PCDH15: variants seen among roughly 807,000 people sequenced by gnomAD.
PCDH15 encodes protocadherin-15.
Under a neutral mutation model 178.5 loss-of-function variants are expected in PCDH15, and 129 were observed. That is an observed-to-expected ratio of 0.72 (90% CI 0.63 to 0.84). The LOEUF is 0.84. Ranked by LOEUF, PCDH15 falls within the 40% of genes least tolerant of loss-of-function variation. The pLI is 0.00. For synonymous variants in PCDH15, 800 were observed against 732.0 expected (o/e 1.09, Z -1.50); for missense variants, 2,230 against 2,099.9 (o/e 1.06, Z -1.21).
At chr10:55,499,522 C>A (rs1431433402) in intron 2 of PCDH15, among the ~76,000 whole-genome samples, 1 of 150,818 alleles carries the variant, frequency 6.6e-6, no homozygotes, top group African/African-American at 2.4e-5. Context: ...AAAATGAAAT[C>A]TTAATCAGTT....
intron 2 of PCDH15, among the ~76,000 whole-genome samples, chr10:54,648,750 T>G (rs1032709205): frequency 1.8e-4 from 28 of 152,280 alleles, no homozygotes; most frequent in African/African-American, 6.5e-4. Flanking sequence ...CTTGCTATAC[T>G]TGAATGAATG....
intron 21 of PCDH15, among the ~76,000 whole-genome samples, chr10:53,989,665 G>A (rs1372610730): frequency 2.6e-5 from 4 of 152,074 alleles, no homozygotes; most frequent in Admixed American, 2.0e-4. Context: ...CAGCTTTGAT[G>A]TTAAGGGGAA....
intron 17 of PCDH15, among the ~76,000 whole-genome samples, chr10:54,069,451 G>C (rs991289445): frequency 1.1e-4 from 16 of 152,024 alleles, no homozygotes; most frequent in Non-Finnish European, 1.5e-5. Context: ...ATATTTATGG[G>C]ACATGCAGGC....
intron 28 of PCDH15, among the ~76,000 whole-genome samples, chr10:53,848,224 C>G (rs2078108020): frequency 6.7e-6 from 1 of 149,376 alleles, no homozygotes; most frequent in East Asian, 2.0e-4. Context: ...ACAAGCTGTT[C>G]AATTTGACAA....
At chr10:54,941,053 T>G (rs1838050453) in intron 2 of PCDH15, among the ~76,000 whole-genome samples, 1 of 152,120 alleles carries the variant, frequency 6.6e-6, no homozygotes, top group Admixed American at 6.5e-5. Flanking sequence ...TCCATTTTAT[T>G]TTTGTGTTTT....
rs772928407 is a variant in PCDH15 at position 54,022,942 on chromosome 10, C to T, written c.2476G>A (p.Val826Ile). ...GCTGGCAAATTCTCTTCAACAAGGA[C>T]AGTGTATGTTGAATTGGTGAACACA... is the stretch of plus-strand genomic sequence containing the variant. ...SPVFTNSTYT[V>I]LVEENLPAGT... Residue 826 changes from valine (V) to isoleucine (I), a missense_variant, in exon 19 of 38, where the codon GTC (valine) becomes ATC (isoleucine). Transcript: ENST00000644397. The T allele has an allele frequency of 5.0e-6, 8 of 1,613,898 alleles. No individual in the cohort carries two copies. Among genetic ancestry groups the T allele is most frequent in the South Asian group, 3.3e-5 (3 of 91,078 alleles).
intron 28 of PCDH15, among the ~76,000 whole-genome samples, chr10:53,848,599 T>C (rs1194615745): frequency 3.3e-5 from 5 of 151,986 alleles, no homozygotes; most frequent in South Asian, 4.1e-4. Context: ...TAGTGTTTTA[T>C]AAGTGAATTT....
chr10:54,569,960 A>G (rs1372123769), intron 2 of PCDH15, among the ~76,000 whole-genome samples: 1 of 152,128 alleles, frequency 6.6e-6, no homozygotes, highest in East Asian at 1.9e-4. Context: ...GTTAAAAGCT[A>G]TAAATCAGAC....
At chr10:54,591,990 C>T (rs534980965) in intron 2 of PCDH15, among the ~76,000 whole-genome samples, 26 of 152,132 alleles carry the variant, frequency 1.7e-4, no homozygotes, top group Admixed American at 9.8e-4. Flanking sequence ...ATGGAATTTT[C>T]AATGACAATC....
intron 18 of PCDH15, among the ~76,000 whole-genome samples, chr10:54,062,245 A>AAAAAAAAAAAAAAAAAAAAAT (rs2094037827): frequency 6.9e-6 from 1 of 143,926 alleles, no homozygotes; most frequent in South Asian, 2.2e-4. Context: ...AAAAAAAAAA[A>AAAAAAAAAAAAAAAAAAAAAT]AAAAAAACAA....
At chr10:54,748,581 C>G (rs1198439342) in intron 1 of PCDH15, among the ~76,000 whole-genome samples, 3 of 152,156 alleles carry the variant, frequency 2.0e-5, no homozygotes, top group Non-Finnish European at 4.4e-5. Flanking sequence ...AAATCAAAAT[C>G]TAATAAAGAT....
intron 5 of PCDH15, among the ~76,000 whole-genome samples, chr10:54,367,309 T>C (rs143487970): frequency 1.3e-5 from 2 of 152,050 alleles, no homozygotes; most frequent in Non-Finnish European, 2.9e-5. Context: ...CCGACAATAA[T>C]GAGAAATTGC....
chr10:54,872,658 A>G lies in PCDH15; in HGVS notation c.-29+24792T>C, dbSNP rs555021347. Among the ~76,000 whole-genome samples, 51 of 152,114 alleles carry G rather than the reference A, an allele frequency of 3.4e-4. 1 individual carries two copies. Among genetic ancestry groups the G allele is most frequent in the Non-Finnish European group, 6.8e-4 (46 of 68,012 alleles). On this transcript the variant is annotated intron_variant, in intron 3 of 5. Transcript: ENST00000458638. ...TTTTTGGCTTTATGGTAAAGAGGGT[A>G]CAAACCATGATTTCCTCATCAACAG...
chr10:54,165,148 A>T (rs1405609472), intron 13 of PCDH15, among the ~76,000 whole-genome samples: 2 of 151,984 alleles, frequency 1.3e-5, no homozygotes, highest in African/African-American at 4.8e-5. Context: ...TTTCAGATTT[A>T]TTCTCTGTGG....
At chr10:55,027,001 G>A (rs1007590691) in intron 2 of PCDH15, among the ~76,000 whole-genome samples, 1 of 151,924 alleles carries the variant, frequency 6.6e-6, no homozygotes. Flanking sequence ...ATAAATTATT[G>A]AGGAACATCT....
At chr10:55,300,133 T>A (rs1331131231) in intron 1 of PCDH15, among the ~76,000 whole-genome samples, 1 of 152,144 alleles carries the variant, frequency 6.6e-6, no homozygotes, top group Non-Finnish European at 1.5e-5. Context: ...TTTTACCACT[T>A]CCACTTGTTA....
intron 25 of PCDH15, among the ~76,000 whole-genome samples, chr10:53,911,470 G>A (rs1365276198): frequency 1.3e-5 from 2 of 152,044 alleles, no homozygotes; most frequent in African/African-American, 4.8e-5. Context: ...GTGTGTAGAG[G>A]GAAATTTATA....
chr10:54,035,725 T>C (rs887899029), intron 18 of PCDH15, among the ~76,000 whole-genome samples: 1 of 151,966 alleles, frequency 6.6e-6, no homozygotes, highest in Non-Finnish European at 1.5e-5. Flanking sequence ...GAAAGAGTTG[T>C]GTGTCTCTGA....
intron 2 of PCDH15, among the ~76,000 whole-genome samples, chr10:55,561,275 C>T (rs1842193249): frequency 6.6e-6 from 1 of 151,776 alleles, no homozygotes; most frequent in African/African-American, 2.4e-5. Flanking sequence ...AGATTAGAAA[C>T]ATACAGGCTA....
Sources: allele counts gnomAD v4.1 joint callset (sites outside exome capture counted in the v4.1 genomes callset), GRCh38; gene constraint gnomAD v4.1.1; transcripts MANE v1.5; gene names NCBI Gene and HGNC (gene_info 2026-07-23, HGNC 2026-07-21).